Variants in EXOC6B observed in about 807,000 individuals in gnomAD.
EXOC6B encodes exocyst complex component 6B.
In EXOC6B, 54 loss-of-function variants were observed where a neutral mutation model predicts 113.5. The ratio of observed to expected loss-of-function variants is 0.48; its 90% CI spans 0.38 to 0.60. The LOEUF (loss-of-function observed/expected upper bound fraction) is 0.60. Among genes scored for constraint, EXOC6B ranks in the 20% least tolerant of loss-of-function variants. EXOC6B has a pLI of 0.00. For missense variants in EXOC6B, 797 were observed against 977.5 expected (o/e 0.82, Z 2.46); for synonymous variants, 357 against 339.0 (o/e 1.05, Z -0.58).
chr2:72,426,893 G>A (rs1206267676), intron 18 of EXOC6B, among the ~76,000 whole-genome samples: 1 of 152,250 alleles, frequency 6.6e-6, no homozygotes, highest in Non-Finnish European at 1.5e-5. Context: ...GGCTGCAGGG[G>A]CAGAAATGGC....
chr2:72,233,523 A>T (rs1681762524), intron 20 of EXOC6B, among the ~76,000 whole-genome samples: 1 of 152,140 alleles, frequency 6.6e-6, no homozygotes, highest in African/African-American at 2.4e-5. Context: ...GAATAGGAGA[A>T]TCCCCCTCAC....
intron 6 of EXOC6B, among the ~76,000 whole-genome samples, chr2:72,668,446 C>CAAA (rs112001284): frequency 7.3e-6 from 1 of 137,610 alleles, no homozygotes; most frequent in East Asian, 2.1e-4. Flanking sequence ...ATTGTTCTAC[C>CAAA]AAAAAAAAAA....
At chr2:72,707,534 C>T (rs751400239) in intron 6 of EXOC6B, among the ~76,000 whole-genome samples, 3 of 151,838 alleles carry the variant, frequency 2.0e-5, no homozygotes, top group Non-Finnish European at 2.9e-5. Context: ...CTGCCTCAGC[C>T]TCCCGAGTAG....
intron 20 of EXOC6B, among the ~76,000 whole-genome samples, chr2:72,220,758 G>C (rs1388140224): frequency 6.6e-6 from 1 of 152,130 alleles, no homozygotes; most frequent in Non-Finnish European, 1.5e-5. Flanking sequence ...ATACACTACT[G>C]CTGTACTAAC....
chr2:72,541,898 T>G (rs1702627708), intron 8 of EXOC6B, among the ~76,000 whole-genome samples: 1 of 152,204 alleles, frequency 6.6e-6, no homozygotes, highest in African/African-American at 2.4e-5. Context: ...GGTCTCAAAT[T>G]CCTGGGCTCA....
chr2:72,751,597 A>G (rs746221474), intron 1 of EXOC6B, among the ~76,000 whole-genome samples: 4 of 152,152 alleles, frequency 2.6e-5, no homozygotes, highest in Admixed American at 6.6e-5. Context: ...TTACAAATAG[A>G]TAATCTGGAA....
At chr2:72,536,332 C>T (rs1702289163) in intron 8 of EXOC6B, among the ~76,000 whole-genome samples, 1 of 152,016 alleles carries the variant, frequency 6.6e-6, no homozygotes, top group African/African-American at 2.4e-5. Context: ...ATTGTACTGT[C>T]AACTGTATTA....
intron 8 of EXOC6B, among the ~76,000 whole-genome samples, chr2:72,519,650 T>C (rs1701388706): frequency 1.3e-5 from 2 of 152,184 alleles, no homozygotes; most frequent in African/African-American, 4.8e-5. Flanking sequence ...TGGCTCAGTA[T>C]TCGCTCACTC....
chr2:72,694,609 TA>T (rs1677732990), intron 6 of EXOC6B, among the ~76,000 whole-genome samples: 1 of 152,236 alleles, frequency 6.6e-6, no homozygotes, highest in Non-Finnish European at 1.5e-5. Context: ...GTAATACTAT[TA>T]TTTCCATATG....
At chr2:72,465,364 A>G in intron 17 of EXOC6B, 25 bp from the exon 18 acceptor site, 1 of 1,538,172 alleles carries the variant, frequency 6.5e-7, no homozygotes, top group Non-Finnish European at 8.8e-7. Context: ...AAAATTTGAA[A>G]AATCACTCAG....
At chr2:72,450,622 T>C (rs959045777) in intron 18 of EXOC6B, among the ~76,000 whole-genome samples, 5 of 152,212 alleles carry the variant, frequency 3.3e-5, no homozygotes, top group African/African-American at 1.2e-4. Context: ...AAGTCCTATA[T>C]TCCATAATTA....
intron 20 of EXOC6B, among the ~76,000 whole-genome samples, chr2:72,272,229 T>C (rs1375180050): frequency 1.3e-5 from 2 of 152,150 alleles, no homozygotes; most frequent in Admixed American, 6.6e-5. Context: ...TGCCCAATGT[T>C]TGCAGGACTT....
chr2:72,335,869 T>C (rs1688665656), intron 19 of EXOC6B, among the ~76,000 whole-genome samples: 1 of 152,146 alleles, frequency 6.6e-6, no homozygotes, highest in Admixed American at 6.6e-5. Context: ...CTTGGGTACA[T>C]GCTCAGTTTA....
intron 12 of EXOC6B, among the ~76,000 whole-genome samples, chr2:72,499,261 C>A (rs965155740): frequency 2.1e-4 from 31 of 148,520 alleles, no homozygotes; most frequent in Non-Finnish European, 3.0e-5. Flanking sequence ...GACAGAGTTT[C>A]ACCCTGTCGC....
At chr2:72,324,501 A>C (rs541461903) in intron 20 of EXOC6B, among the ~76,000 whole-genome samples, 85 of 152,348 alleles carry the variant, frequency 5.6e-4, no homozygotes, top group African/African-American at 1.9e-3. Flanking sequence ...CAGTACAGTG[A>C]CAGCAATAGT....
At chr2:72,413,811 G>A (rs189984681) in intron 18 of EXOC6B, among the ~76,000 whole-genome samples, 60 of 152,282 alleles carry the variant, frequency 3.9e-4, no homozygotes, top group Non-Finnish European at 7.4e-4. Context: ...ATTACAGACT[G>A]TATGTATCAC....
intron 8 of EXOC6B, among the ~76,000 whole-genome samples, chr2:72,526,000 G>C (rs974786050): frequency 6.6e-6 from 1 of 152,034 alleles, no homozygotes. Context: ...GTTTTCTAAA[G>C]TTATTATTCA....
intron 19 of EXOC6B, chr2:72,354,199 G>A (rs1004907498): frequency 6.6e-6 from 1 of 152,170 alleles, no homozygotes; most frequent in African/African-American, 2.4e-5. Flanking sequence ...GTTAGAGATG[G>A]AATAAGTACC....
At chr2:72,451,092 G>A (rs1696886148) in intron 18 of EXOC6B, among the ~76,000 whole-genome samples, 2 of 152,108 alleles carry the variant, frequency 1.3e-5, no homozygotes, top group Non-Finnish European at 2.9e-5. Context: ...TAATCTCACT[G>A]TATCTGTTTT....
Sources: allele counts gnomAD v4.1 joint callset (sites outside exome capture counted in the v4.1 genomes callset), GRCh38; gene constraint gnomAD v4.1.1; transcripts MANE v1.5; gene names NCBI Gene and HGNC (gene_info 2026-07-23, HGNC 2026-07-21).